TRPA1: variants seen among roughly 807,000 people sequenced by gnomAD.
The protein encoded by TRPA1 is ankyrin-like with transmembrane domains 1.
Under a neutral mutation model 131.3 loss-of-function variants are expected in TRPA1, and 129 were observed. The ratio of observed to expected loss-of-function variants is 0.98; its 90% CI spans 0.85 to 1.14. The LOEUF is 1.14. Among genes scored for constraint, TRPA1 ranks in the 50% most tolerant of loss-of-function variants. TRPA1 has a pLI of 0.00. For synonymous variants in TRPA1, 441 were observed against 451.7 expected, an observed-to-expected ratio of 0.98 and a Z score of 0.30; for missense variants, 1,304 against 1,354.2, an observed-to-expected ratio of 0.96 and a Z score of 0.58.
Position 72,057,006 on chromosome 8 carries a change from C to G in TRPA1, c.1105G>C (p.Asp369His). 1 of 1,604,418 alleles carries G rather than the reference C, an allele frequency of 6.2e-7. No individual in the cohort carries two copies. The highest frequency in any genetic ancestry group is 8.5e-7 in the Non-Finnish European group (1 of 1,174,202). ...TTACGTCCAAAATTATCTTTTATGT[C>G]TACTTGGGCACCTAAAAAAAAACAC... Reference protein sequence around the residue: ...NLLLSKGAQVDIKDNFGRNFL... With the variant: ...NLLLSKGAQVHIKDNFGRNFL... Residue 369 changes from aspartate (D) to histidine (H), a missense_variant, in exon 10 of 27, where the codon GAC becomes CAC. Asp to His is a moderately conservative substitution (Grantham distance 81). Coordinates refer to ENST00000262209, the MANE Select transcript of TRPA1 (RefSeq NM_007332.3).
At chr8:72,061,994 A>G (rs1354294870) in intron 6 of TRPA1, among the ~76,000 whole-genome samples, 2 of 152,116 alleles carry the variant, frequency 1.3e-5, no homozygotes, top group African/African-American at 4.8e-5. Flanking sequence ...TAATATAACA[A>G]CTCTTGGCAT....
chr8:72,052,006 T>A (rs1302489334), intron 14 of TRPA1, among the ~76,000 whole-genome samples: 1 of 152,226 alleles, frequency 6.6e-6, no homozygotes, highest in East Asian at 1.9e-4. Context: ...GGAGTATAAT[T>A]GGATTGTTTG....
chr8:72,041,182 T>C (rs72659651), intron 17 of TRPA1: 4,636 of 152,124 alleles, frequency 0.03, 114 homozygotes, highest in Non-Finnish European at 0.042. Context: ...CATAAATATA[T>C]ACCCACCTCA....
At chr8:72,077,713 A>T (rs1415670049), upstream of TRPA1, among the ~76,000 whole-genome samples, 1 of 152,296 alleles carries the variant, frequency 6.6e-6, no homozygotes, top group East Asian at 1.9e-4. Flanking sequence ...TATCTTTTTC[A>T]TAGGCAGGCA....
Position 72,027,165 on chromosome 8 carries a change from C to T in TRPA1, c.2938-1092G>A, listed in dbSNP as rs149195711. On this transcript the variant is annotated intron_variant, in intron 24 of 26. Coordinates refer to ENST00000262209, the MANE Select transcript of TRPA1 (RefSeq NM_007332.3). Reference sequence around the variant, plus strand: ...TTCCCATACATATAGTTTTAGAGGTCACATACTATTTCCTCACACTTGATT... The same window carrying T: ...TTCCCATACATATAGTTTTAGAGGTTACATACTATTTCCTCACACTTGATT... Among the ~76,000 whole-genome samples, 206 of 152,222 alleles carry T rather than the reference C, an allele frequency of 1.4e-3. 1 individual carries two copies. Among genetic ancestry groups the T allele is most frequent in the African/African-American group, 4.6e-3 (190 of 41,524 alleles).
chr8:72,056,689 G>A (rs1377684205), intron 10 of TRPA1, among the ~76,000 whole-genome samples: 1 of 152,000 alleles, frequency 6.6e-6, no homozygotes, highest in Non-Finnish European at 1.5e-5. Context: ...AAGTTTCTTT[G>A]TAAGTTAAAA....
At chr8:72,028,300 G>A (rs1811677594) in intron 24 of TRPA1, among the ~76,000 whole-genome samples, 1 of 152,172 alleles carries the variant, frequency 6.6e-6, no homozygotes, top group Non-Finnish European at 1.5e-5. Context: ...TTTCTTTGCT[G>A]GTTTTGAATA....
the TRPA1 span, among the ~76,000 whole-genome samples, chr8:72,087,834 G>C: frequency 1.3e-5 from 2 of 151,898 alleles, no homozygotes; most frequent in Non-Finnish European, 2.9e-5. Flanking sequence ...GCTCATTTTT[G>C]TATTTTAGAT....
At chr8:72,028,690 T>G (rs1293992060) in intron 24 of TRPA1, among the ~76,000 whole-genome samples, 4 of 152,220 alleles carry the variant, frequency 2.6e-5, no homozygotes, top group Admixed American at 2.6e-4. Flanking sequence ...ACCTAGCTGG[T>G]GTGCTAAGTA....
chr8:72,025,872 T>C (rs1811586443), intron 25 of TRPA1, 88 bp downstream of exon 25: 1 of 1,133,676 alleles, frequency 8.8e-7, no homozygotes. Context: ...ACTCAAAGTC[T>C]ATAAAAGGGC....
rs1443478456 is a variant in TRPA1, at chr8:72,055,753, G to T, written c.1297C>A (p.Leu433Ile). 3 of 1,612,840 alleles carry T rather than the reference G, an allele frequency of 1.9e-6. No homozygotes were observed. The African/African-American group carries it at 4.0e-5, about 22-fold the overall frequency. Residue 433 changes from leucine to isoleucine, a missense_variant, in exon 11 of 27, where the codon CTT becomes ATT. Leu to Ile is a conservative substitution (Grantham distance 5). Coordinates refer to ENST00000262209, the MANE Select transcript of TRPA1 (RefSeq NM_007332.3). ...GAATGAATGGACACATTAAAGCCAA[G>T]TAGGTTATTTACAGAACCAGGGCCC... ...QGGPGSVNNL[L>I]GFNVSIHSKS...
chr8:72,057,165 A>G, intron 9 of TRPA1, 148 bp from the exon 10 acceptor site: 1 of 662,944 alleles, frequency 1.5e-6, no homozygotes, highest in South Asian at 2.0e-5. Context: ...AGAAAACTAA[A>G]CATATTTAAA....
chr8:72,053,021 G>GAGAA, intron 13 of TRPA1: 1 of 346,666 alleles, frequency 2.9e-6, no homozygotes, highest in Non-Finnish European at 5.5e-6. Context: ...GAGAGAGAGA[G>GAGAA]AGAGAGAGAG....
rs745899575 is a variant in TRPA1 at position 72,022,871 on chromosome 8, C to A, written c.*35G>T. ...AAAGTTAGAACCAGCAAGTCATGCA[C>A]CCCCCATTAGAAGCCTCACTGAAGG... On this transcript the variant is annotated 3_prime_UTR_variant, in exon 27 of 27. Transcript: ENST00000262209. The A allele has an allele frequency of 6.3e-6, 10 of 1,579,774 alleles. No homozygotes were observed. In the Admixed American group the frequency reaches 8.4e-5, roughly 13 times the overall value.
At chr8:72,084,799 C>T in the TRPA1 span, among the ~76,000 whole-genome samples, 1 of 151,744 alleles carries the variant, frequency 6.6e-6, no homozygotes, top group African/African-American at 2.4e-5. Context: ...TTACAGGTGC[C>T]TGCCACCACA....
intron 20 of TRPA1, among the ~76,000 whole-genome samples, 157 bp downstream of exon 20, chr8:72,037,826 A>G (rs560813587): frequency 6.6e-6 from 1 of 152,072 alleles, no homozygotes; most frequent in African/African-American, 2.4e-5. Flanking sequence ...TGATTTCTAC[A>G]TTTTGAAACA....
At position 72,029,972 on chromosome 8, in the gene TRPA1, G is replaced by A; in HGVS notation, c.2869-3C>T. 6.2e-7 allele frequency: 1 copy of A among 1,613,494 alleles called. No individual in the cohort carries two copies. Among genetic ancestry groups the A allele is most frequent in the Non-Finnish European group, 8.5e-7 (1 of 1,179,466 alleles). On this transcript the variant is annotated splice_polypyrimidine_tract_variant and splice_region_variant and intron_variant, in intron 23 of 26. Coordinates refer to ENST00000262209, the MANE Select transcript of TRPA1 (RefSeq NM_007332.3). The stretch of plus-strand genomic sequence containing the variant: ...ATGTCGCCAACTGCCAAACCAATCT[G>A]AAGTATGACACAAAATTAAATCACT...
rs1205341191 is a variant in TRPA1 at position 72,071,920 on chromosome 8, C to T, written c.112-53G>A. The T allele has an allele frequency of 2.0e-6, 3 of 1,528,590 alleles. No homozygotes were observed. In the East Asian group the frequency reaches 6.8e-5, roughly 34 times the overall value. 94.7% of individuals were successfully genotyped at this position (1,528,590 alleles called of 1,614,324 possible). On this transcript the variant is annotated intron_variant, in intron 1 of 26. Coordinates refer to ENST00000262209, the MANE Select transcript of TRPA1 (RefSeq NM_007332.3). The stretch of plus-strand genomic sequence containing the variant: ...AAACAAGCATATGCAAAACTTATGG[C>T]TATAATCATTTTATAGCCTGAAAGA...
At position 72,025,272 on chromosome 8, in the gene TRPA1, G is replaced by C. The variant is rs187155976; in HGVS notation, c.3051+688C>G. ...GCGGTTTCCCCCATGCTGTTCTTGT[G>C]ATAGTAAGTGAGTTCTCATGAGATC... On this transcript the variant is annotated intron_variant, in intron 25 of 26. Coordinates refer to ENST00000262209, the MANE Select transcript of TRPA1 (RefSeq NM_007332.3). 2.3e-3 allele frequency among the ~76,000 whole-genome samples: 357 copies of C among 152,210 alleles called. 1 individual carries two copies. Among genetic ancestry groups the C allele is most frequent in the Non-Finnish European group, 4.2e-3 (286 of 68,010 alleles).
Sources: allele counts gnomAD v4.1 joint callset (sites outside exome capture counted in the v4.1 genomes callset), GRCh38; gene constraint gnomAD v4.1.1; transcripts MANE v1.5; gene names NCBI Gene and HGNC (gene_info 2026-07-23, HGNC 2026-07-21).